Variants in NRG1 observed in about 807,000 individuals in gnomAD.
The protein encoded by NRG1 is neuregulin 1, also known as pro-neuregulin-1, membrane-bound isoform.
A neutral mutation model predicts 63.8 loss-of-function variants in NRG1; 18 were observed. The observed-to-expected ratio is 0.28, with a 90% CI of 0.19 to 0.42. The LOEUF (loss-of-function observed/expected upper bound fraction) is 0.42, where lower values mean the gene tolerates loss of function less well. NRG1 is among the 10% of genes least tolerant of loss of function. The pLI is 1.00. For synonymous variants in NRG1, 302 were observed against 301.3 expected, an observed-to-expected ratio of 1.00 and a Z score of -0.02; for missense variants, 762 against 814.7, an observed-to-expected ratio of 0.94 and a Z score of 0.79.
At chr8:31,851,248 A>G (rs1827184440) in intron 1 of NRG1, among the ~76,000 whole-genome samples, 1 of 152,192 alleles carries the variant, frequency 6.6e-6, no homozygotes, top group African/African-American at 2.4e-5. Context: ...TAAATGTTTG[A>G]TGGTGTCTTG....
downstream of NRG1, among the ~76,000 whole-genome samples, chr8:32,772,555 CTAAT>C (rs1259268508): frequency 4.6e-5 from 7 of 152,078 alleles, no homozygotes; most frequent in African/African-American, 1.4e-4. Flanking sequence ...TTGCACCTTT[CTAAT>C]TATTATCATG....
chr8:32,748,041 A>C (rs1276235141), intron 7 of NRG1, among the ~76,000 whole-genome samples: 1 of 152,056 alleles, frequency 6.6e-6, no homozygotes, highest in Non-Finnish European at 1.5e-5. Context: ...GTCACTAAAA[A>C]GTTCCACGGC....
intron 1 of NRG1, among the ~76,000 whole-genome samples, chr8:32,221,914 C>G (rs1367563289): frequency 6.6e-6 from 1 of 151,874 alleles, no homozygotes; most frequent in African/African-American, 2.4e-5. Flanking sequence ...TATTTTCACA[C>G]TTACAATTCT....
intron 1 of NRG1, among the ~76,000 whole-genome samples, chr8:32,519,840 A>T (rs949106918): frequency 6.6e-6 from 1 of 152,074 alleles, no homozygotes; most frequent in Non-Finnish European, 1.5e-5. Context: ...AGCTCCCCCA[A>T]ATCTCTATAC....
chr8:32,399,651 C>G (rs1247768857), intron 1 of NRG1, among the ~76,000 whole-genome samples: 4 of 152,172 alleles, frequency 2.6e-5, no homozygotes, highest in Non-Finnish European at 2.9e-5. Flanking sequence ...TATTAGTCAG[C>G]AGAGATTGCT....
intron 1 of NRG1, among the ~76,000 whole-genome samples, chr8:31,949,785 A>G (rs1803184416): frequency 6.6e-6 from 1 of 152,220 alleles, no homozygotes; most frequent in Non-Finnish European, 1.5e-5. Flanking sequence ...CTCGAAGTGC[A>G]TAAAATACCC....
At chr8:32,736,010 T>TAA (rs139711052) in intron 6 of NRG1, among the ~76,000 whole-genome samples, 12 of 148,226 alleles carry the variant, frequency 8.1e-5, no homozygotes, top group East Asian at 2.0e-4. Context: ...AGATTGTCAT[T>TAA]AAAAAAAAAA....
chr8:32,706,861 C>A (rs2919380), intron 5 of NRG1, among the ~76,000 whole-genome samples: 19,095 of 152,040 alleles, frequency 0.13, 1,680 homozygotes, highest in Non-Finnish European at 0.17. Flanking sequence ...GTCATAATTA[C>A]TCCTATGGAA....
At position 31,729,023 on chromosome 8, in the gene NRG1, A is replaced by G. The variant is rs367606669; in HGVS notation, c.37+89592A>G. On this transcript the variant is annotated intron_variant, in intron 1 of 10. Transcript: ENST00000519301. ...CTGGGCTGTTAGTTTTGAGGTAATA[A>G]CGTTTTCATTTACAAAAAGAACATT... Among the ~76,000 whole-genome samples the G allele has an allele frequency of 1.4e-4, 21 of 152,146 alleles. 1 individual carries two copies. In the East Asian group the frequency reaches 3.1e-3, roughly 22 times the overall value.
chr8:32,266,573 T>C (rs1042692453), intron 1 of NRG1, among the ~76,000 whole-genome samples: 2 of 152,026 alleles, frequency 1.3e-5, no homozygotes, highest in Non-Finnish European at 2.9e-5. Context: ...GCAGATAAAA[T>C]TAGCAAGAAA....
At chr8:31,785,694 TA>T (rs1056053778) in intron 1 of NRG1, among the ~76,000 whole-genome samples, 4 of 152,232 alleles carry the variant, frequency 2.6e-5, no homozygotes, top group Middle Eastern at 3.2e-3. Context: ...TATGTGTGGT[TA>T]AAAAAATCTT....
intron 1 of NRG1, among the ~76,000 whole-genome samples, chr8:32,117,113 G>C (rs933579386): frequency 6.6e-6 from 1 of 151,916 alleles, no homozygotes; most frequent in South Asian, 2.1e-4. Context: ...TTGCACTCCA[G>C]CCTAGGCAAC....
chr8:32,117,154 A>G (rs1832839960), intron 1 of NRG1, among the ~76,000 whole-genome samples: 1 of 152,068 alleles, frequency 6.6e-6, no homozygotes, highest in Non-Finnish European at 1.5e-5. Flanking sequence ...AAGACACACA[A>G]ACAAAAAAAT....
chr8:32,656,250 G>A (rs1403159321), intron 5 of NRG1, among the ~76,000 whole-genome samples: 2 of 152,018 alleles, frequency 1.3e-5, no homozygotes, highest in African/African-American at 4.8e-5. Flanking sequence ...CAAACAGGTT[G>A]TTTATTAATA....
intron 8 of NRG1, 124 bp downstream of exon 8, chr8:32,754,598 G>T: frequency 8.5e-6 from 7 of 823,640 alleles, no homozygotes; most frequent in Non-Finnish European, 1.4e-5. Context: ...GAGGGGCAGG[G>T]GGAGATTATT....
intron 3 of NRG1, among the ~76,000 whole-genome samples, chr8:32,610,461 G>T (rs541996189): frequency 6.6e-6 from 1 of 152,070 alleles, no homozygotes; most frequent in Non-Finnish European, 1.5e-5. Flanking sequence ...AATAAAATTA[G>T]ATCATAAAAG....
intron 5 of NRG1, chr8:32,648,527 T>G: frequency 7.7e-7 from 1 of 1,294,990 alleles, no homozygotes; most frequent in Non-Finnish European, 1.0e-6. Context: ...ATGCTTGGGA[T>G]GGCATTGAAG....
chr8:32,363,703 A>C (rs1436692379), intron 1 of NRG1, among the ~76,000 whole-genome samples: 1 of 152,068 alleles, frequency 6.6e-6, no homozygotes, highest in Non-Finnish European at 1.5e-5. Flanking sequence ...TTAAAAAGTT[A>C]TCTCTGTTTT....
chr8:32,742,546 A>G lies in NRG1; in HGVS notation c.633-129A>G. ...CCTGAAAGCCATGATCAGGGCAAAGATTCAGTTCCTGAGGGTGAACTCACC... is the reference window on the plus strand; with the variant it reads ...CCTGAAAGCCATGATCAGGGCAAAGGTTCAGTTCCTGAGGGTGAACTCACC... On this transcript the variant is annotated intron_variant, in intron 6 of 11. Transcript: ENST00000356819. The surrounding 1 kb of genome is among the most constrained non-coding windows in gnomAD (Gnocchi z 4.2). 1.3e-6 allele frequency: 1 copy of G among 792,678 alleles called. No individual in the cohort carries two copies. The highest frequency in any genetic ancestry group is 2.0e-6 in the Non-Finnish European group (1 of 489,346). The allele number at this position is 792,678 out of a possible 1,614,324, so 49.1% of individuals were successfully genotyped here. A position where few individuals can be genotyped will look rare whatever the true frequency, so the allele number is the denominator to read the frequency against.
Sources: allele counts gnomAD v4.1 joint callset (sites outside exome capture counted in the v4.1 genomes callset), GRCh38; gene constraint gnomAD v4.1.1; non-coding constraint Gnocchi (gnomAD v3.1); transcripts MANE v1.5; gene names NCBI Gene and HGNC (gene_info 2026-07-23, HGNC 2026-07-21).